Variants in TPTE2 observed in about 807,000 individuals in gnomAD.
The protein encoded by TPTE2 is transmembrane phosphoinositide 3-phosphatase and tensin homolog 2, also known as phosphatidylinositol 3,4,5-trisphosphate 3-phosphatase TPTE2.
Under a neutral mutation model 78.6 loss-of-function variants are expected in TPTE2, and 53 were observed. The ratio of observed to expected loss-of-function variants is 0.67; its 90% CI spans 0.54 to 0.85. The LOEUF (loss-of-function observed/expected upper bound fraction) is 0.85. Among genes scored for constraint, TPTE2 ranks in the 40% least tolerant of loss-of-function variants. The pLI, the probability that TPTE2 is intolerant of heterozygous loss-of-function variation, is 0.00. For missense variants in TPTE2, 461 were observed against 623.0 expected, an observed-to-expected ratio of 0.74 and a Z score of 2.77; for synonymous variants, 175 against 206.2, an observed-to-expected ratio of 0.85 and a Z score of 1.30.
At chr13:19,437,742 T>C (rs1465723878) in intron 14 of TPTE2, among the ~76,000 whole-genome samples, 1 of 152,164 alleles carries the variant, frequency 6.6e-6, no homozygotes, top group Non-Finnish European at 1.5e-5. Context: ...GGTCTTGTCT[T>C]TATTTAAAAT....
chr13:19,450,034 A>C, intron 13 of TPTE2, 42 bp downstream of exon 16: 2 of 1,603,914 alleles, frequency 1.2e-6, no homozygotes, highest in Admixed American at 3.4e-5. Flanking sequence ...CTATATTTAC[A>C]TGTCTTTAGA....
chr13:19,547,618 G>A, the TPTE2 span, among the ~76,000 whole-genome samples: 24 of 151,166 alleles, frequency 1.6e-4, no homozygotes, highest in African/African-American at 5.3e-4. Context: ...TATGGTCTGC[G>A]TTCATAACAA....
At position 19,465,238 on chromosome 13, in the gene TPTE2, C is replaced by G; in HGVS notation, c.676+17G>C. The G allele has an allele frequency of 6.2e-7, 1 of 1,613,648 alleles. No homozygotes were observed. Among genetic ancestry groups the G allele is most frequent in the East Asian group, 2.2e-5 (1 of 44,848 alleles). ...AGTGAAGTAATACAAGTAAATCAACCATTAAGTGTCACAAACCTGTAACGT... is the reference window on the plus strand; with the variant it reads ...AGTGAAGTAATACAAGTAAATCAACGATTAAGTGTCACAAACCTGTAACGT... On this transcript the variant is annotated intron_variant, in intron 9 of 19. Coordinates refer to ENST00000400230, the Ensembl canonical transcript of TPTE2.
chr13:19,436,150 A>G (rs1256032459), intron 15 of TPTE2, 76 bp downstream of exon 18: 2 of 1,276,076 alleles, frequency 1.6e-6, no homozygotes, highest in African/African-American at 3.0e-5. Flanking sequence ...GAAGAGTCTA[A>G]AATGAAACCA....
the TPTE2 span, among the ~76,000 whole-genome samples, chr13:19,551,007 C>G: frequency 3.3e-5 from 5 of 152,066 alleles, no homozygotes; most frequent in African/African-American, 7.2e-5. Context: ...TTGGAACATC[C>G]AAGTTTCTTC....
At chr13:19,513,996 G>C (rs982862617) in intron 1 of TPTE2, among the ~76,000 whole-genome samples, 9 of 152,128 alleles carry the variant, frequency 5.9e-5, no homozygotes, top group African/African-American at 2.2e-4. Context: ...TGATGGCTTT[G>C]AGTTTGGGGC....
At chr13:19,487,092 C>T (rs1283810055) in intron 3 of TPTE2, among the ~76,000 whole-genome samples, 1 of 152,178 alleles carries the variant, frequency 6.6e-6, no homozygotes, top group Non-Finnish European at 1.5e-5. Context: ...CAAGGTTGCA[C>T]AGCTGCTTAG....
chr13:19,441,739 C>A (rs1325764120), intron 13 of TPTE2, among the ~76,000 whole-genome samples: 1 of 152,126 alleles, frequency 6.6e-6, no homozygotes, highest in Non-Finnish European at 1.5e-5. Flanking sequence ...TCTTTAAAGC[C>A]TGGAATTAAA....
chr13:19,538,345 T>G (rs958327063), upstream of TPTE2, among the ~76,000 whole-genome samples: 1 of 143,110 alleles, frequency 7.0e-6, no homozygotes, highest in Non-Finnish European at 1.5e-5. Context: ...CTCAGCCTCC[T>G]GAGTAGCTGG....
At chr13:19,550,393 G>T in the TPTE2 span, among the ~76,000 whole-genome samples, 1 of 152,184 alleles carries the variant, frequency 6.6e-6, no homozygotes, top group Non-Finnish European at 1.5e-5. Context: ...CTAGCACCCT[G>T]TTTGGTGGTT....
the TPTE2 span, among the ~76,000 whole-genome samples, chr13:19,551,488 G>C: frequency 6.6e-6 from 1 of 151,998 alleles, no homozygotes; most frequent in Admixed American, 6.6e-5. Context: ...TACTCGGCTT[G>C]GGATTGAGAA....
intron 19 of TPTE2, among the ~76,000 whole-genome samples, chr13:19,423,772 AAAGT>A (rs1416138591): frequency 3.9e-5 from 6 of 152,226 alleles, no homozygotes. Flanking sequence ...AATTTATATA[AAAGT>A]AAGAATAAAA....
chr13:19,503,836 G>C (rs1868793262), upstream of TPTE2, among the ~76,000 whole-genome samples: 1 of 152,148 alleles, frequency 6.6e-6, no homozygotes, highest in Non-Finnish European at 1.5e-5. Flanking sequence ...TGCCTCCCGG[G>C]TTCACGCCAT....
At chr13:19,428,459 G>T (rs1876309897) in intron 17 of TPTE2, among the ~76,000 whole-genome samples, 1 of 151,782 alleles carries the variant, frequency 6.6e-6, no homozygotes, top group South Asian at 2.1e-4. Context: ...AGAAAAAAAA[G>T]AAAAGAAAAA....
intron 1 of TPTE2, among the ~76,000 whole-genome samples, chr13:19,493,990 G>A (rs1881162005): frequency 6.6e-6 from 1 of 152,194 alleles, no homozygotes; most frequent in African/African-American, 2.4e-5. Context: ...CTCCGTGGTG[G>A]CAGAGTTCTG....
chr13:19,492,112 C>T (rs1476619520), intron 3 of TPTE2, among the ~76,000 whole-genome samples: 6 of 152,158 alleles, frequency 3.9e-5, no homozygotes, highest in Non-Finnish European at 7.3e-5. Context: ...GTATTACTTA[C>T]ACCTTTATGA....
intron 10 of TPTE2, among the ~76,000 whole-genome samples, chr13:19,455,380 G>A (rs1462265259): frequency 6.6e-6 from 1 of 152,136 alleles, no homozygotes; most frequent in Admixed American, 6.5e-5. Context: ...TCACCTCGTA[G>A]TGCCCCTTCT....
intron 4 of TPTE2, among the ~76,000 whole-genome samples, chr13:19,482,250 AT>A (rs1880400703): frequency 6.6e-6 from 1 of 152,104 alleles, no homozygotes; most frequent in South Asian, 2.1e-4. Flanking sequence ...TCCTCTAAGA[AT>A]ACTTTTTACA....
At chr13:19,472,936 CTG>C (rs1326802281) in intron 6 of TPTE2, among the ~76,000 whole-genome samples, 2 of 152,218 alleles carry the variant, frequency 1.3e-5, no homozygotes, top group Non-Finnish European at 2.9e-5. Flanking sequence ...CTCCTAAACT[CTG>C]TGGTTCTTGC....
Sources: allele counts gnomAD v4.1 joint callset (sites outside exome capture counted in the v4.1 genomes callset), GRCh38; gene constraint gnomAD v4.1.1; transcripts MANE v1.5; gene names NCBI Gene and HGNC (gene_info 2026-07-23, HGNC 2026-07-21).